CHCHD3: variants seen among roughly 807,000 people sequenced by gnomAD.
CHCHD3 encodes coiled-coil-helix-coiled-coil-helix domain containing 3.
A neutral mutation model predicts 38.2 loss-of-function variants in CHCHD3; 20 were observed. The ratio of observed to expected loss-of-function variants is 0.52; its 90% CI spans 0.37 to 0.76. The LOEUF (loss-of-function observed/expected upper bound fraction) is 0.76, where lower values mean the gene tolerates loss of function less well. CHCHD3 is among the 30% of genes least tolerant of loss of function. CHCHD3 has a pLI of 0.00. For missense variants in CHCHD3, 245 were observed against 279.2 expected (o/e 0.88, Z 0.87); for synonymous variants, 82 against 100.0 (o/e 0.82, Z 1.07).
chr7:133,066,956 A>C (rs1482517679), intron 2 of CHCHD3, among the ~76,000 whole-genome samples: 2 of 152,238 alleles, frequency 1.3e-5, no homozygotes, highest in African/African-American at 4.8e-5. Context: ...GATGTCATTC[A>C]AATTAAAATA....
intron 2 of CHCHD3, among the ~76,000 whole-genome samples, chr7:133,048,823 G>C (rs1814068970): frequency 1.3e-5 from 2 of 152,186 alleles, no homozygotes; most frequent in South Asian, 4.1e-4. Context: ...AAGCACTTCG[G>C]GGTGTGTGAA....
At chr7:132,801,443 C>T (rs998344736) in intron 6 of CHCHD3, among the ~76,000 whole-genome samples, 3 of 152,186 alleles carry the variant, frequency 2.0e-5, no homozygotes, top group Admixed American at 6.5e-5. Context: ...CCAAACAGCT[C>T]CAAAAGCTGC....
chr7:132,815,504 G>C, intron 6 of CHCHD3: 1 of 452,970 alleles, frequency 2.2e-6, no homozygotes, highest in Non-Finnish European at 4.4e-6. Flanking sequence ...GCCAGTCACA[G>C]TTTCACTGGT....
intron 6 of CHCHD3, among the ~76,000 whole-genome samples, chr7:132,836,119 AT>A (rs148748759): frequency 1.0e-3 from 147 of 146,608 alleles, no homozygotes; most frequent in Middle Eastern, 7.0e-3. Flanking sequence ...CATGTGTCTG[AT>A]TTTTTTTTTT....
At chr7:132,831,337 A>T (rs757477804) in intron 6 of CHCHD3, among the ~76,000 whole-genome samples, 3 of 152,194 alleles carry the variant, frequency 2.0e-5, no homozygotes, top group Non-Finnish European at 4.4e-5. Flanking sequence ...ATCATTTCAA[A>T]ACTGATCAAT....
intron 4 of CHCHD3, among the ~76,000 whole-genome samples, chr7:132,963,895 G>A (rs1161263730): frequency 6.6e-6 from 1 of 152,020 alleles, no homozygotes; most frequent in Non-Finnish European, 1.5e-5. Context: ...CTTGGAAGTG[G>A]AAAGTATAAT....
At chr7:132,957,677 C>T (rs1003592066) in intron 4 of CHCHD3, among the ~76,000 whole-genome samples, 6 of 152,080 alleles carry the variant, frequency 3.9e-5, no homozygotes, top group African/African-American at 1.2e-4. Context: ...GATGGGGTTT[C>T]GCCATGTTGG....
intron 5 of CHCHD3, among the ~76,000 whole-genome samples, chr7:132,856,829 A>G (rs910770285): frequency 1.3e-5 from 2 of 152,240 alleles, no homozygotes; most frequent in Non-Finnish European, 2.9e-5. Context: ...GACATTTATT[A>G]GCTTCTGCAT....
At chr7:133,049,745 A>G (rs1230035719) in intron 2 of CHCHD3, among the ~76,000 whole-genome samples, 1 of 152,234 alleles carries the variant, frequency 6.6e-6, no homozygotes, top group East Asian at 1.9e-4. Context: ...GTAACTGTAC[A>G]TTAATACAAT....
chr7:132,840,654 G>A (rs998179514), intron 5 of CHCHD3, among the ~76,000 whole-genome samples: 2 of 152,124 alleles, frequency 1.3e-5, no homozygotes, highest in Admixed American at 6.5e-5. Flanking sequence ...TGTGAAATCT[G>A]TTAAATGTTT....
At chr7:132,815,864 T>C (rs954198113) in intron 6 of CHCHD3, among the ~76,000 whole-genome samples, 9 of 152,214 alleles carry the variant, frequency 5.9e-5, no homozygotes, top group African/African-American at 2.2e-4. Context: ...TGCCTACTCA[T>C]TCAATGCTTA....
chr7:132,935,120 T>C lies in CHCHD3; in HGVS notation c.369+40049A>G, dbSNP rs187532168. Among the ~76,000 whole-genome samples the C allele has an allele frequency of 1.8e-4, 27 of 152,114 alleles. No homozygotes were observed. In the South Asian group the frequency reaches 1.9e-3, roughly 11 times the overall value. On this transcript the variant is annotated intron_variant, in intron 4 of 7. Coordinates refer to ENST00000262570, the MANE Select transcript of CHCHD3 (RefSeq NM_017812.4). ...CAAGAGACAGCCTCAGGAAAATTAT[T>C]AATCCTGCCTCAGAATCCAATCACT...
In CHCHD3 at chr7:132,846,255, G is replaced by A. The variant is rs1442686450; in HGVS notation, c.454-7786C>T. 2.0e-5 allele frequency among the ~76,000 whole-genome samples: 3 copies of A among 152,146 alleles called. No homozygotes were observed. In the East Asian group the frequency reaches 5.8e-4, roughly 29 times the overall value. ...AGTTTCAAACCTGGGCCTCTCTCTT[G>A]CAACCCTGCACAGGGCCATGTCAAT... is the stretch of plus-strand genomic sequence containing the variant. On this transcript the variant is annotated intron_variant, in intron 5 of 7. Transcript: ENST00000262570.
chr7:132,999,123 C>CCCTGGG (rs1812498990), intron 3 of CHCHD3, among the ~76,000 whole-genome samples: 1 of 152,156 alleles, frequency 6.6e-6, no homozygotes, highest in Non-Finnish European at 1.5e-5. Flanking sequence ...TGTCTCAAAA[C>CCCTGGG]AAACAACACT....
chr7:133,031,990 A>G (rs1562943285), intron 2 of CHCHD3, among the ~76,000 whole-genome samples: 1 of 152,194 alleles, frequency 6.6e-6, no homozygotes, highest in Non-Finnish European at 1.5e-5. Flanking sequence ...GCAATCAATG[A>G]AATACAACAC....
chr7:132,886,377 A>G (rs1214244694), intron 4 of CHCHD3, among the ~76,000 whole-genome samples: 1 of 151,994 alleles, frequency 6.6e-6, no homozygotes, highest in Non-Finnish European at 1.5e-5. Flanking sequence ...AAACAAAATC[A>G]AAACAAGTAT....
At chr7:132,804,379 G>T (rs985399985) in intron 6 of CHCHD3, among the ~76,000 whole-genome samples, 12 of 152,114 alleles carry the variant, frequency 7.9e-5, no homozygotes, top group Admixed American at 6.6e-4. Context: ...CTATTTTTAG[G>T]TGATTATAAT....
chr7:133,028,370 A>G (rs961547281), intron 2 of CHCHD3, among the ~76,000 whole-genome samples: 21 of 152,130 alleles, frequency 1.4e-4, no homozygotes, highest in African/African-American at 5.1e-4. Flanking sequence ...AACTAATAAA[A>G]TTGTATCACA....
chr7:132,958,504 G>A (rs1349379412), intron 4 of CHCHD3, among the ~76,000 whole-genome samples: 1 of 152,124 alleles, frequency 6.6e-6, no homozygotes, highest in Non-Finnish European at 1.5e-5. Context: ...GTATTAAAGA[G>A]TATCATGATT....
Sources: allele counts gnomAD v4.1 joint callset (sites outside exome capture counted in the v4.1 genomes callset), GRCh38; gene constraint gnomAD v4.1.1; transcripts MANE v1.5; gene names NCBI Gene and HGNC (gene_info 2026-07-23, HGNC 2026-07-21).